NCS1: variants seen among roughly 807,000 people sequenced by gnomAD.
The protein encoded by NCS1 is neuronal calcium sensor 1.
Under a neutral mutation model 28.4 loss-of-function variants are expected in NCS1, and 6 were observed. That is an observed-to-expected ratio of 0.21 (90% CI 0.12 to 0.42). The LOEUF is 0.42. NCS1 is among the 10% of genes least tolerant of loss of function. The pLI is 1.00. For synonymous variants in NCS1, 86 were observed against 99.3 expected (o/e 0.87, Z 0.79); for missense variants, 131 against 241.4 (o/e 0.54, Z 3.03).
rs11432743 is a variant in NCS1, at chr9:130,236,548, C to CT, written c.*3592dup. 121,946 of 141,876 alleles carry CT rather than the reference C, an allele frequency of 0.86. 52,344 individuals carry two copies. Among genetic ancestry groups the CT allele is most frequent in the Middle Eastern group, 0.88 (223 of 254 alleles). 8.8% of individuals were successfully genotyped at this position (141,876 alleles called of 1,614,324 possible). A position where few individuals can be genotyped will look rare whatever the true frequency, so the allele number is the denominator to read the frequency against. Reference sequence around the variant, plus strand: ...CTGTGATGGGAAGCCTTGCCCCCCTCTTTTTTTTTTTTTTTTAATATCTGC... The same window carrying CT: ...CTGTGATGGGAAGCCTTGCCCCCCTCTTTTTTTTTTTTTTTTTAATATCTGC... On this transcript the variant is annotated 3_prime_UTR_variant, in exon 8 of 8. Coordinates refer to ENST00000372398, the MANE Select transcript of NCS1 (RefSeq NM_014286.4).
rs1833552410 is a variant in NCS1 at position 130,234,593 on chromosome 9, T to C, written c.*1621T>C. 6.6e-6 allele frequency: 1 copy of C among 152,396 alleles called. No homozygotes were observed. 9.4% of individuals were successfully genotyped at this position (152,396 alleles called of 1,614,324 possible). On this transcript the variant is annotated 3_prime_UTR_variant, in exon 8 of 8. Transcript: ENST00000372398. The surrounding 1 kb of genome is among the most constrained non-coding windows in gnomAD (Gnocchi z 6.1). ...ACATCATGTCACTCTAGGCCTGGGG[T>C]TCAGTTTCCTGTGGCTGGTGATGCT...
chr9:130,222,930 G>A (rs370987199), intron 5 of NCS1, 152 bp from the exon 6 acceptor site: 1 of 799,604 alleles, frequency 1.3e-6, no homozygotes, highest in African/African-American at 1.7e-5. Context: ...TGGGGTGTGG[G>A]ATGTTCCAGG....
chr9:130,198,006 G>A (rs886428926), intron 1 of NCS1, among the ~76,000 whole-genome samples: 1 of 150,850 alleles, frequency 6.6e-6, no homozygotes, highest in Non-Finnish European at 1.5e-5. Context: ...GCCCCAGGCA[G>A]TGAAGCAGTT....
At chr9:130,189,879 AATATATATATATAT>A (rs1203988125) in intron 1 of NCS1, among the ~76,000 whole-genome samples, 28 of 37,740 alleles carry the variant, frequency 7.4e-4, no homozygotes, top group African/African-American at 2.8e-3. Flanking sequence ...AAAAAAAAAA[AATATATATATATAT>A]ATATATATAT....
rs1554904499 is a variant in NCS1, at chr9:130,175,405, CA to C, written c.64+2679del. Among the ~76,000 whole-genome samples, 3 of 152,188 alleles carry C rather than the reference CA, an allele frequency of 2.0e-5. No homozygotes were observed. In the East Asian group the frequency reaches 5.8e-4, roughly 29 times the overall value. On this transcript the variant is annotated intron_variant, in intron 1 of 7. Transcript: ENST00000372398. The surrounding 1 kb of genome is among the most constrained non-coding windows in gnomAD (Gnocchi z 4.9). ...CAGAATCTCCTGGTTGATTAATAAA[CA>C]TGAAGGTACCTGGGCTGCCCTCCCG...
intron 4 of NCS1, among the ~76,000 whole-genome samples, chr9:130,222,113 C>CGT (rs1491315942): frequency 6.4e-4 from 11 of 17,104 alleles, no homozygotes; most frequent in Non-Finnish European, 8.0e-4. Flanking sequence ...TATATATATA[C>CGT]GTATATATAT....
At position 130,219,913 on chromosome 9, in the gene NCS1, C is replaced by T; in HGVS notation, c.307+110C>T. ...GGGTGCCAGACACCCACTGCAGTGA[C>T]CACAGATGGCGTCCCAGCTGTGTCT... On this transcript the variant is annotated intron_variant, in intron 4 of 7. Coordinates refer to ENST00000372398, the MANE Select transcript of NCS1 (RefSeq NM_014286.4). The surrounding 1 kb of genome is among the most constrained non-coding windows in gnomAD (Gnocchi z 5.7). 2.6e-6 allele frequency: 3 copies of T among 1,152,328 alleles called. No individual in the cohort carries two copies. The highest frequency in any genetic ancestry group is 3.9e-6 in the Non-Finnish European group (3 of 777,110). 71.4% of individuals were successfully genotyped at this position (1,152,328 alleles called of 1,614,324 possible). A position where few individuals can be genotyped will look rare whatever the true frequency, so the allele number is the denominator to read the frequency against.
chr9:130,205,770 G>A (rs1833016303), intron 2 of NCS1, among the ~76,000 whole-genome samples: 1 of 151,800 alleles, frequency 6.6e-6, no homozygotes, highest in Non-Finnish European at 1.5e-5. Context: ...AGAGGTCAAG[G>A]CTGCAGTGAG....
intron 6 of NCS1, 115 bp downstream of exon 6, chr9:130,223,274 G>C: frequency 1.1e-6 from 1 of 907,462 alleles, no homozygotes; most frequent in Non-Finnish European, 1.8e-6. Context: ...CATGGCTCAC[G>C]GCAGGCGGCA....
chr9:130,237,205 G>C lies in NCS1; in HGVS notation c.*4233G>C, dbSNP rs1288851887. On this transcript the variant is annotated 3_prime_UTR_variant, in exon 8 of 8. Transcript: ENST00000372398. ...GCCAGGGTCAGGGCGAGGCCCAGGG[G>C]TGGACAGGGGCCGTGTAGCATGCCC... The C allele has an allele frequency of 6.6e-6, 1 of 152,276 alleles. No individual in the cohort carries two copies. The highest frequency in any genetic ancestry group is 6.6e-5 in the Admixed American group (1 of 15,266). 9.4% of individuals were successfully genotyped at this position (152,276 alleles called of 1,614,324 possible). A position where few individuals can be genotyped will look rare whatever the true frequency, so the allele number is the denominator to read the frequency against.
rs199577150 is a variant in NCS1 at position 130,232,799 on chromosome 9, C to CA, written c.*18-182dup. ...AGACTCCAACTCAAAAAAAAGCAAA[C>CA]AAAAAAAAACCAAAAAACCCAAAGG... On this transcript the variant is annotated intron_variant, in intron 7 of 7. Coordinates refer to ENST00000372398, the MANE Select transcript of NCS1 (RefSeq NM_014286.4). This position sits in a 1 kb window ranked among gnomAD's most constrained non-coding sequence, Gnocchi z 4.4. Among the ~76,000 whole-genome samples, 517 of 148,198 alleles carry CA rather than the reference C, an allele frequency of 3.5e-3. 5 individuals are homozygous for CA. Among genetic ancestry groups the CA allele is most frequent in the African/African-American group, 0.012 (477 of 40,280 alleles).
At position 130,224,919 on chromosome 9, in the gene NCS1, C is replaced by T. The variant is rs540949139; in HGVS notation, c.475-1470C>T. Among the ~76,000 whole-genome samples the T allele has an allele frequency of 6.6e-5, 10 of 152,180 alleles. No homozygotes were observed. The East Asian group carries it at 7.7e-4, about 12-fold the overall frequency. On this transcript the variant is annotated intron_variant, in intron 6 of 7. Coordinates refer to ENST00000372398, the MANE Select transcript of NCS1 (RefSeq NM_014286.4). The stretch of plus-strand genomic sequence containing the variant: ...CAAAATAACATAAAATGGTCAGGTG[C>T]GGTGGCTCACACCTGTCATCCCAGC...
rs1832494586 is a variant in NCS1 at position 130,172,538 on chromosome 9, C to G, written c.-126C>G. On this transcript the variant is annotated 5_prime_UTR_variant, in exon 1 of 8. Coordinates refer to ENST00000372398, the MANE Select transcript of NCS1 (RefSeq NM_014286.4). ...CCCCGGGCGCCCCGGCGCCGACAGC[C>G]GCGCAGCGCAGCGCGGGCGCCGCAG... The G allele has an allele frequency of 3.2e-6, 1 of 316,538 alleles. No homozygotes were observed. The highest frequency in any genetic ancestry group is 4.5e-6 in the Non-Finnish European group (1 of 220,824). The allele number at this position is 316,538 out of a possible 1,614,324, so 19.6% of individuals were successfully genotyped here.
At position 130,215,007 on chromosome 9, in the gene NCS1, G is replaced by T. The variant is rs1312774394; in HGVS notation, c.90-2825G>T. 1.3e-5 allele frequency among the ~76,000 whole-genome samples: 2 copies of T among 152,242 alleles called. No homozygotes were observed. Among genetic ancestry groups the T allele is most frequent in the South Asian group, 2.1e-4 (1 of 4,830 alleles). Reference sequence around the variant, plus strand: ...TTAGAGCAGCCCCTGTGAGCCATCTGCAGGGAGGCCTTTGGGTGCCTTTTG... The same window carrying T: ...TTAGAGCAGCCCCTGTGAGCCATCTTCAGGGAGGCCTTTGGGTGCCTTTTG... On this transcript the variant is annotated intron_variant, in intron 2 of 7. Coordinates refer to ENST00000372398, the MANE Select transcript of NCS1 (RefSeq NM_014286.4). This position sits in a 1 kb window ranked among gnomAD's most constrained non-coding sequence, Gnocchi z 4.2.
intron 1 of NCS1, among the ~76,000 whole-genome samples, chr9:130,189,540 C>T (rs890194726): frequency 3.3e-5 from 5 of 151,964 alleles, no homozygotes; most frequent in South Asian, 4.2e-4. Context: ...TCCACACACC[C>T]AAGATTTCCC....
At chr9:130,221,679 G>A (rs550529959) in intron 4 of NCS1, among the ~76,000 whole-genome samples, 6 of 143,422 alleles carry the variant, frequency 4.2e-5, no homozygotes, top group African/African-American at 1.0e-4. Flanking sequence ...TGATCTGCCC[G>A]CCTCGGCCTC....
chr9:130,194,271 G>A lies in NCS1; in HGVS notation c.65-6687G>A, dbSNP rs367989357. On this transcript the variant is annotated intron_variant, in intron 1 of 7. Transcript: ENST00000372398. ...CTCGTGTTCATTCCTGGCAGACAAG[G>A]GCTGTGTGGAAGGGAGGAGGAGCTG... is the stretch of plus-strand genomic sequence containing the variant. Among the ~76,000 whole-genome samples, 12 of 152,330 alleles carry A rather than the reference G, an allele frequency of 7.9e-5. No individual in the cohort carries two copies. The South Asian group carries it at 2.1e-3, about 26-fold the overall frequency.
chr9:130,178,193 G>A (rs1443950349), intron 1 of NCS1, among the ~76,000 whole-genome samples: 2 of 152,154 alleles, frequency 1.3e-5, no homozygotes, highest in East Asian at 3.9e-4. Flanking sequence ...AACTTTCCTG[G>A]CAGCAGCTGG....
intron 1 of NCS1, among the ~76,000 whole-genome samples, chr9:130,183,595 C>G (rs1228788455): frequency 1.3e-5 from 2 of 152,160 alleles, no homozygotes; most frequent in Non-Finnish European, 2.9e-5. Flanking sequence ...CACCTCGGCT[C>G]CCCCACAGCC....
Sources: allele counts gnomAD v4.1 joint callset (sites outside exome capture counted in the v4.1 genomes callset), GRCh38; gene constraint gnomAD v4.1.1; non-coding constraint Gnocchi (gnomAD v3.1); transcripts MANE v1.5; gene names NCBI Gene and HGNC (gene_info 2026-07-23, HGNC 2026-07-21).